The following POU2F1 variants were observed in gnomAD, a reference collection of about 807,000 sequenced individuals.
POU2F1 encodes the protein POU class 2 homeobox 1, also known as POU domain, class 2, transcription factor 1.
A neutral mutation model predicts 84.9 loss-of-function variants in POU2F1; 16 were observed. The ratio of observed to expected loss-of-function variants is 0.19; its 90% CI spans 0.13 to 0.29. The LOEUF is 0.29. POU2F1 is among the 10% of genes least tolerant of loss of function. The pLI is 1.00. For missense variants in POU2F1, 738 were observed against 942.6 expected (o/e 0.78, Z 2.84); for synonymous variants, 368 against 368.3 (o/e 1.00, Z 0.01).
At chr1:167,373,357 A>G (rs536094317) in intron 5 of POU2F1, among the ~76,000 whole-genome samples, 2 of 152,330 alleles carry the variant, frequency 1.3e-5, no homozygotes, top group South Asian at 2.1e-4. Context: ...TACATTTCCT[A>G]CTTTACTATT....
At chr1:167,403,801 T>C (rs1649368240) in intron 13 of POU2F1, among the ~76,000 whole-genome samples, 1 of 152,218 alleles carries the variant, frequency 6.6e-6, no homozygotes, top group Admixed American at 6.5e-5. Flanking sequence ...CTTTGATTCC[T>C]TTTTGTCTGG....
At position 167,425,015 on chromosome 1, in the gene POU2F1, TGA is replaced by T. The variant is rs922798606; in HGVS notation, c.*9206_*9207del. ...ACATTTCACTTTTTTTCCTTTGACA[TGA>T]CCAAAAATATCCAAATATTTAAGTT... On this transcript the variant is annotated 3_prime_UTR_variant, in exon 16 of 16. Coordinates refer to ENST00000367866, the MANE Select transcript of POU2F1 (RefSeq NM_002697.4). The T allele has an allele frequency of 3.3e-5, 5 of 151,784 alleles. No individual in the cohort carries two copies. The highest frequency in any genetic ancestry group is 2.6e-4 in the Admixed American group (4 of 15,246). 9.4% of individuals were successfully genotyped at this position (151,784 alleles called of 1,614,324 possible).
At chr1:167,221,018 C>T (rs1243336582) in intron 1 of POU2F1, 60 bp downstream of exon 1, 9 of 1,377,950 alleles carry the variant, frequency 6.5e-6, no homozygotes, top group South Asian at 5.0e-5. Context: ...CCCGCTGCCC[C>T]CCCCCGCGAC....
At chr1:167,264,746 A>C (rs1024080503) in intron 1 of POU2F1, among the ~76,000 whole-genome samples, 3 of 152,162 alleles carry the variant, frequency 2.0e-5, no homozygotes, top group Middle Eastern at 3.2e-3. Flanking sequence ...TTTTTTAAAA[A>C]AATTTATCAT....
At chr1:167,288,039 A>G (rs1032680615) in intron 1 of POU2F1, among the ~76,000 whole-genome samples, 4 of 152,214 alleles carry the variant, frequency 2.6e-5, no homozygotes, top group Non-Finnish European at 4.4e-5. Flanking sequence ...CTTTAAGAGT[A>G]AAGATGAAAT....
At chr1:167,241,807 G>A (rs1170970143) in intron 1 of POU2F1, among the ~76,000 whole-genome samples, 4 of 152,158 alleles carry the variant, frequency 2.6e-5, no homozygotes, top group African/African-American at 9.7e-5. Flanking sequence ...GAGGTACAAC[G>A]AAGTTAGGTA....
At chr1:167,260,876 C>CA (rs1263277578) in intron 1 of POU2F1, among the ~76,000 whole-genome samples, 1 of 151,970 alleles carries the variant, frequency 6.6e-6, no homozygotes, top group African/African-American at 2.4e-5. Context: ...AATTTTAGTG[C>CA]ATTTAATGCA....
At chr1:167,390,313 T>A (rs902069187) in intron 9 of POU2F1, among the ~76,000 whole-genome samples, 2 of 152,362 alleles carry the variant, frequency 1.3e-5, no homozygotes, top group Admixed American at 1.3e-4. Context: ...CACAGGCCTC[T>A]GAAATCATAA....
rs573659287 is a variant in POU2F1 at position 167,263,377 on chromosome 1, G to A, written c.61+42419G>A. 9.2e-5 allele frequency among the ~76,000 whole-genome samples: 14 copies of A among 152,092 alleles called. No homozygotes were observed. The South Asian group carries it at 2.3e-3, about 25-fold the overall frequency. On this transcript the variant is annotated intron_variant, in intron 1 of 15. Coordinates refer to ENST00000367866, the MANE Select transcript of POU2F1 (RefSeq NM_002697.4). ...TCTACTAAAAATGCAAAAATTAGCC[G>A]GGCGTGGTAGCATATGCCTGTAATC...
intron 1 of POU2F1, among the ~76,000 whole-genome samples, chr1:167,240,883 C>T (rs1036509801): frequency 6.6e-6 from 1 of 152,194 alleles, no homozygotes; most frequent in Admixed American, 6.5e-5. Context: ...TGGCTCATGC[C>T]TGTAATCCCA....
At chr1:167,348,717 A>T (rs904067803) in intron 2 of POU2F1, among the ~76,000 whole-genome samples, 10 of 152,154 alleles carry the variant, frequency 6.6e-5, no homozygotes, top group African/African-American at 2.4e-4. Context: ...CATCTAAGGC[A>T]GTTAGATGTT....
chr1:167,374,784 A>G (rs1660217875), intron 6 of POU2F1, among the ~76,000 whole-genome samples: 2 of 152,182 alleles, frequency 1.3e-5, no homozygotes, highest in Non-Finnish European at 2.9e-5. Context: ...TTATTTAAGA[A>G]GCGCCAGGCG....
At chr1:167,231,417 TA>T (rs1472021702) in intron 1 of POU2F1, among the ~76,000 whole-genome samples, 1 of 152,190 alleles carries the variant, frequency 6.6e-6, no homozygotes, top group Non-Finnish European at 1.5e-5. Flanking sequence ...CAGTAGGTAG[TA>T]CTGAAGATGG....
intron 1 of POU2F1, among the ~76,000 whole-genome samples, chr1:167,326,843 A>G (rs1171802642): frequency 6.6e-6 from 1 of 152,248 alleles, no homozygotes; most frequent in Non-Finnish European, 1.5e-5. Context: ...ATGAAAGACC[A>G]CACTCACAGT....
intron 1 of POU2F1, among the ~76,000 whole-genome samples, chr1:167,289,983 A>G (rs1285104299): frequency 6.6e-6 from 1 of 152,254 alleles, no homozygotes; most frequent in Non-Finnish European, 1.5e-5. Flanking sequence ...GCAGTATCCA[A>G]AACTGCAAAT....
chr1:167,378,534 G>A (rs1660486849), intron 7 of POU2F1, among the ~76,000 whole-genome samples: 1 of 151,436 alleles, frequency 6.6e-6, no homozygotes, highest in Admixed American at 6.6e-5. Flanking sequence ...AGCCTCCTGA[G>A]TAGCTGGGAT....
At chr1:167,237,490 C>T (rs1649553445) in intron 1 of POU2F1, among the ~76,000 whole-genome samples, 2 of 151,778 alleles carry the variant, frequency 1.3e-5, no homozygotes, top group Non-Finnish European at 1.5e-5. Context: ...TTTCATCTGC[C>T]GGTATGTTAT....
intron 2 of POU2F1, among the ~76,000 whole-genome samples, chr1:167,364,591 T>G (rs1388983623): frequency 6.7e-6 from 1 of 150,096 alleles, no homozygotes. Flanking sequence ...CTTTTTTTTT[T>G]TTTTGAGACA....
intron 1 of POU2F1, among the ~76,000 whole-genome samples, chr1:167,263,242 G>A (rs773981780): frequency 6.6e-5 from 10 of 152,180 alleles, no homozygotes; most frequent in Admixed American, 2.0e-4. Flanking sequence ...CATGTCGGCC[G>A]AGTGTGGTGG....
Sources: allele counts gnomAD v4.1 joint callset (sites outside exome capture counted in the v4.1 genomes callset), GRCh38; gene constraint gnomAD v4.1.1; transcripts MANE v1.5; gene names NCBI Gene and HGNC (gene_info 2026-07-23, HGNC 2026-07-21).